The following CNTNAP2 variants were observed in gnomAD, a reference collection of about 807,000 sequenced individuals.
The protein encoded by CNTNAP2 is contactin associated protein 2.
CNTNAP2 carries 98 observed loss-of-function variants against 155.2 expected under a neutral mutation model. The ratio of observed to expected loss-of-function variants is 0.63; its 90% CI spans 0.54 to 0.75. The LOEUF (loss-of-function observed/expected upper bound fraction) is 0.75. Among genes scored for constraint, CNTNAP2 ranks in the 30% least tolerant of loss-of-function variants. CNTNAP2 has a pLI of 0.00. For synonymous variants in CNTNAP2, 651 were observed against 631.2 expected (o/e 1.03, Z -0.47); for missense variants, 1,727 against 1,688.1 (o/e 1.02, Z -0.40).
At chr7:146,852,097 A>G (rs971192836) in intron 3 of CNTNAP2, among the ~76,000 whole-genome samples, 2 of 152,156 alleles carry the variant, frequency 1.3e-5, no homozygotes, top group African/African-American at 4.8e-5. Context: ...CTGTTTCCAA[A>G]TATGGTAACA....
chr7:146,503,113 CAA>C (rs1442530649), intron 1 of CNTNAP2, among the ~76,000 whole-genome samples: 3 of 152,096 alleles, frequency 2.0e-5, no homozygotes, highest in South Asian at 4.1e-4. Context: ...TGGATATTTG[CAA>C]ATGTTTTCTC....
chr7:148,014,485 C>T (rs1802141011), intron 15 of CNTNAP2, among the ~76,000 whole-genome samples: 1 of 152,090 alleles, frequency 6.6e-6, no homozygotes, highest in South Asian at 2.1e-4. Flanking sequence ...TCCTAAACAC[C>T]ATTTACCATA....
At chr7:147,620,287 T>C (rs1032841412) in intron 12 of CNTNAP2, among the ~76,000 whole-genome samples, 1 of 152,080 alleles carries the variant, frequency 6.6e-6, no homozygotes, top group Non-Finnish European at 1.5e-5. Context: ...GAACATCTAC[T>C]AGTATCAACA....
intron 14 of CNTNAP2, among the ~76,000 whole-genome samples, chr7:147,951,540 G>C (rs1800929878): frequency 6.6e-6 from 1 of 152,154 alleles, no homozygotes; most frequent in Non-Finnish European, 1.5e-5. Context: ...GATAAAAATA[G>C]TCAGAAATGA....
intron 13 of CNTNAP2, among the ~76,000 whole-genome samples, chr7:147,826,918 A>G (rs1798460666): frequency 6.6e-6 from 1 of 150,538 alleles, no homozygotes; most frequent in Non-Finnish European, 1.5e-5. Context: ...TTTACATAAA[A>G]GCTGAATACA....
chr7:147,944,361 T>G (rs1193183164), intron 14 of CNTNAP2, among the ~76,000 whole-genome samples: 1 of 152,176 alleles, frequency 6.6e-6, no homozygotes, highest in Non-Finnish European at 1.5e-5. Context: ...ACTCCTGATG[T>G]CCCAAGATGT....
intron 17 of CNTNAP2, among the ~76,000 whole-genome samples, chr7:148,167,222 C>T (rs1290138811): frequency 1.3e-5 from 2 of 152,224 alleles, no homozygotes; most frequent in East Asian, 1.9e-4. Context: ...TCACTGCAAC[C>T]TCTGCCTCCC....
intron 21 of CNTNAP2, among the ~76,000 whole-genome samples, chr7:148,295,630 T>G (rs1483804897): frequency 7.3e-6 from 1 of 136,436 alleles, no homozygotes; most frequent in Non-Finnish European, 1.6e-5. Flanking sequence ...TAGCTGGGAC[T>G]ACCGGTGCCC....
rs540096771 is a variant in CNTNAP2, at chr7:146,297,374, A to G, written c.97+180401A>G. On this transcript the variant is annotated intron_variant, in intron 1 of 23. Transcript: ENST00000361727. The stretch of plus-strand genomic sequence containing the variant: ...AGTGTTGTCTATGGATTTAAATTCC[A>G]TTTTATTGCCATTTTGGGAGACTAA... Among the ~76,000 whole-genome samples, 74 of 152,176 alleles carry G rather than the reference A, an allele frequency of 4.9e-4. No homozygotes were observed. The South Asian group carries it at 9.5e-3, about 20-fold the overall frequency.
chr7:146,477,937 C>T (rs981406076), intron 1 of CNTNAP2, among the ~76,000 whole-genome samples: 3 of 152,204 alleles, frequency 2.0e-5, no homozygotes, highest in Non-Finnish European at 4.4e-5. Flanking sequence ...CAAGCACACA[C>T]GGCCCCTCAT....
At position 146,485,043 on chromosome 7, in the gene CNTNAP2, G is replaced by A. The variant is rs1044107041; in HGVS notation, c.98-289228G>A. Among the ~76,000 whole-genome samples, 10 of 151,860 alleles carry A rather than the reference G, an allele frequency of 6.6e-5. No homozygotes were observed. In the East Asian group the frequency reaches 1.9e-3, roughly 29 times the overall value. ...AAAAAGAGCAAGACTAGGTTTTTTT[G>A]TTCTTTCTGATTTTGCCAGGTTACC... On this transcript the variant is annotated intron_variant, in intron 1 of 23. Transcript: ENST00000361727.
intron 8 of CNTNAP2, among the ~76,000 whole-genome samples, chr7:147,158,685 G>A (rs908145866): frequency 1.3e-5 from 2 of 151,982 alleles, no homozygotes; most frequent in African/African-American, 4.8e-5. Flanking sequence ...CACTGGAAAC[G>A]CCTAAATCTA....
chr7:146,380,332 T>TA (rs1795363180), intron 1 of CNTNAP2, among the ~76,000 whole-genome samples: 1 of 152,214 alleles, frequency 6.6e-6, no homozygotes, highest in Non-Finnish European at 1.5e-5. Context: ...ATATCTCATA[T>TA]TTTTATGAAG....
intron 1 of CNTNAP2, among the ~76,000 whole-genome samples, chr7:146,351,174 T>A (rs1161128546): frequency 6.6e-6 from 1 of 151,480 alleles, no homozygotes; most frequent in Admixed American, 6.6e-5. Flanking sequence ...AAACTTAAAG[T>A]ATAATAATAA....
chr7:146,895,661 A>G (rs1795863081), intron 3 of CNTNAP2, among the ~76,000 whole-genome samples: 1 of 152,148 alleles, frequency 6.6e-6, no homozygotes, highest in Non-Finnish European at 1.5e-5. Flanking sequence ...AAGTATTGCT[A>G]GCTTACTGAT....
chr7:147,174,908 A>G (rs916072642), intron 8 of CNTNAP2, among the ~76,000 whole-genome samples: 2 of 152,154 alleles, frequency 1.3e-5, no homozygotes, highest in African/African-American at 2.4e-5. Flanking sequence ...ACTATAAGAG[A>G]CAATAATAAT....
At chr7:148,391,994 CATTA>C (rs1799361336) in intron 22 of CNTNAP2, among the ~76,000 whole-genome samples, 1 of 152,224 alleles carries the variant, frequency 6.6e-6, no homozygotes, top group Non-Finnish European at 1.5e-5. Flanking sequence ...TTTAAAATAT[CATTA>C]AAATAGATGA....
chr7:146,934,214 G>A (rs1254094897), intron 3 of CNTNAP2, among the ~76,000 whole-genome samples: 1 of 151,962 alleles, frequency 6.6e-6, no homozygotes, highest in Non-Finnish European at 1.5e-5. Flanking sequence ...ATGATAGACT[G>A]GATGAAGAAA....
chr7:147,540,042 G>T (rs1799612489), intron 11 of CNTNAP2, among the ~76,000 whole-genome samples: 1 of 152,124 alleles, frequency 6.6e-6, no homozygotes, highest in Admixed American at 6.5e-5. Context: ...CCAGACAAAG[G>T]AAATTAGTAA....
Sources: gnomAD v4.1 joint callset for allele counts (sites outside exome capture counted in the v4.1 genomes callset) on GRCh38, gnomAD v4.1.1 for gene constraint, MANE v1.5 for transcripts, NCBI Gene and HGNC (gene_info 2026-07-23, HGNC 2026-07-21) for gene names.